The following CEP120 variants were observed in gnomAD, a reference collection of about 807,000 sequenced individuals.
The protein encoded by CEP120 is centrosomal protein 120, also known as centrosomal protein of 120 kDa.
A neutral mutation model predicts 126.5 loss-of-function variants in CEP120; 113 were observed. The observed-to-expected ratio is 0.89, with a 90% CI of 0.77 to 1.04. The LOEUF is 1.04. Among genes scored for constraint, CEP120 ranks in the 50% least tolerant of loss-of-function variants. The probability of loss-of-function intolerance (pLI) is 0.00; values close to 1 mark genes in which losing one functional copy is unlikely to be tolerated. For synonymous variants in CEP120, 400 were observed against 394.3 expected (o/e 1.01, Z -0.17); for missense variants, 1,230 against 1,155.7 (o/e 1.06, Z -0.93).
chr5:123,347,041 C>T (rs1768871513), intron 19 of CEP120, among the ~76,000 whole-genome samples: 1 of 152,000 alleles, frequency 6.6e-6, no homozygotes, highest in Non-Finnish European at 1.5e-5. Flanking sequence ...TGTGTAAAGA[C>T]AATAAAAATC....
At chr5:123,364,711 ACAT>A (rs1268177812) in intron 17 of CEP120, 117 bp from the exon 18 acceptor site, 5 of 427,054 alleles carry the variant, frequency 1.2e-5, no homozygotes, top group African/African-American at 1.0e-4. Context: ...GTAACATACG[ACAT>A]CATCTAAAAC....
chr5:123,384,803 A>T, intron 11 of CEP120, 148 bp downstream of exon 11: 1 of 652,224 alleles, frequency 1.5e-6, no homozygotes, highest in Admixed American at 3.3e-5. Flanking sequence ...GCCACAGGTC[A>T]GAGAAGATCA....
At chr5:123,378,786 T>C (rs574369376) in intron 14 of CEP120, among the ~76,000 whole-genome samples, 2 of 152,110 alleles carry the variant, frequency 1.3e-5, no homozygotes, top group African/African-American at 2.4e-5. Flanking sequence ...AGCAACTAAA[T>C]AGCCAAGTGT....
At chr5:123,389,227 T>C (rs1333819286) in intron 8 of CEP120, among the ~76,000 whole-genome samples, 2 of 152,200 alleles carry the variant, frequency 1.3e-5, no homozygotes, top group Non-Finnish European at 2.9e-5. Context: ...TATGCATTCT[T>C]AGACTCTCTC....
At chr5:123,395,992 T>C (rs1256736898) in intron 5 of CEP120, among the ~76,000 whole-genome samples, 2 of 146,422 alleles carry the variant, frequency 1.4e-5, no homozygotes, top group South Asian at 4.3e-4. Flanking sequence ...TCCATTCCTT[T>C]TTTTTTTTTT....
At chr5:123,387,464 G>C (rs142631330) in intron 9 of CEP120, among the ~76,000 whole-genome samples, 139 of 152,178 alleles carry the variant, frequency 9.1e-4, no homozygotes, top group African/African-American at 3.0e-3. Flanking sequence ...ATGCAGATAA[G>C]AAACTTTTCA....
At chr5:123,371,145 C>T (rs1770822891) in intron 17 of CEP120, among the ~76,000 whole-genome samples, 1 of 152,040 alleles carries the variant, frequency 6.6e-6, no homozygotes, top group African/African-American at 2.4e-5. Flanking sequence ...ATCCAAAAAT[C>T]TAAAATGTTC....
chr5:123,376,235 G>GA (rs1771213994), intron 16 of CEP120, among the ~76,000 whole-genome samples: 1 of 152,120 alleles, frequency 6.6e-6, no homozygotes, highest in African/African-American at 2.4e-5. Flanking sequence ...TGAGGAGGAT[G>GA]AATTAGGGAA....
intron 4 of CEP120, among the ~76,000 whole-genome samples, chr5:123,400,043 T>C (rs1039914310): frequency 2.6e-5 from 4 of 152,180 alleles, no homozygotes; most frequent in Non-Finnish European, 4.4e-5. Context: ...GGCAGGTACA[T>C]GCTAGAATAA....
chr5:123,415,084 G>T (rs1037208037), intron 3 of CEP120, among the ~76,000 whole-genome samples: 3 of 151,704 alleles, frequency 2.0e-5, no homozygotes, highest in Non-Finnish European at 4.4e-5. Context: ...CTTGGGAGTA[G>T]GGGGGCAGAG....
At chr5:123,380,090 G>A (rs1580680037) in intron 14 of CEP120, among the ~76,000 whole-genome samples, 2 of 152,176 alleles carry the variant, frequency 1.3e-5, no homozygotes, top group South Asian at 4.1e-4. Flanking sequence ...GTTATACATC[G>A]TTTTTTAAGA....
chr5:123,375,931 A>C (rs909776536), intron 16 of CEP120, among the ~76,000 whole-genome samples: 5 of 152,044 alleles, frequency 3.3e-5, no homozygotes, highest in African/African-American at 1.2e-4. Flanking sequence ...CATTCATCAT[A>C]CATATCTAAT....
chr5:123,393,965 T>TA, intron 5 of CEP120, among the ~76,000 whole-genome samples: 1 of 152,230 alleles, frequency 6.6e-6, no homozygotes, highest in Non-Finnish European at 1.5e-5. Context: ...AGTTTTTAGC[T>TA]ATTCTGTCGA....
chr5:123,401,231 C>T (rs1773207027), intron 4 of CEP120: 1 of 1,612,586 alleles, frequency 6.2e-7, no homozygotes, highest in Non-Finnish European at 8.5e-7. Context: ...GGTACTCACG[C>T]AGCTGCCACG....
intron 5 of CEP120, among the ~76,000 whole-genome samples, chr5:123,394,959 C>G (rs75449813): frequency 0.17 from 25,599 of 152,128 alleles, 2,749 homozygotes; most frequent in Middle Eastern, 0.24. Context: ...GATACATAGT[C>G]GCTGCTACAA....
At chr5:123,381,576 CAT>C (rs1256786091) in intron 14 of CEP120, among the ~76,000 whole-genome samples, 1 of 152,050 alleles carries the variant, frequency 6.6e-6, no homozygotes, top group East Asian at 1.9e-4. Context: ...CAGATGGTCT[CAT>C]GTTATCATTT....
At chr5:123,364,100 G>A (rs1770281768) in intron 18 of CEP120, among the ~76,000 whole-genome samples, 2 of 151,418 alleles carry the variant, frequency 1.3e-5, no homozygotes, top group East Asian at 1.9e-4. Flanking sequence ...CTGAATTACT[G>A]TGTCTTAAGA....
intron 19 of CEP120, among the ~76,000 whole-genome samples, chr5:123,347,612 C>T (rs1033213792): frequency 6.6e-6 from 1 of 152,086 alleles, no homozygotes; most frequent in Non-Finnish European, 1.5e-5. Context: ...GTTGATCAAA[C>T]TGTCTTGAAA....
intron 18 of CEP120, among the ~76,000 whole-genome samples, chr5:123,353,150 T>C (rs1041945995): frequency 6.6e-6 from 1 of 151,974 alleles, no homozygotes; most frequent in African/African-American, 2.4e-5. Context: ...TAATACAATG[T>C]TGAAAAGAAA....
Sources: allele counts gnomAD v4.1 joint callset (sites outside exome capture counted in the v4.1 genomes callset), GRCh38; gene constraint gnomAD v4.1.1; transcripts MANE v1.5; gene names NCBI Gene and HGNC (gene_info 2026-07-23, HGNC 2026-07-21).